The following COL4A1 variants were observed in gnomAD, a reference collection of about 807,000 sequenced individuals.
COL4A1 encodes collagen alpha-1(IV) chain.
COL4A1 carries 40 observed loss-of-function variants against 216.6 expected under a neutral mutation model. That is an observed-to-expected ratio of 0.18 (90% CI 0.14 to 0.24). The LOEUF (loss-of-function observed/expected upper bound fraction) is 0.24, where lower values mean the gene tolerates loss of function less well. Ranked by LOEUF, COL4A1 falls within the 10% of genes least tolerant of loss-of-function variation. The pLI is 1.00. For missense variants in COL4A1, 1,628 were observed against 2,196.8 expected (o/e 0.74, Z 5.18); for synonymous variants, 839 against 810.7 (o/e 1.03, Z -0.59).
intron 1 of COL4A1, among the ~76,000 whole-genome samples, chr13:110,243,712 G>A (rs775103262): frequency 1.3e-5 from 2 of 152,220 alleles, no homozygotes; most frequent in Admixed American, 6.5e-5. Context: ...AAGCTACCAC[G>A]TGTTCAAACG....
rs1881707738 is a variant in COL4A1 at position 110,244,625 on chromosome 13, G to A, written c.85-1891C>T. On this transcript the variant is annotated intron_variant, in intron 1 of 51. Coordinates refer to ENST00000375820, the MANE Select transcript of COL4A1 (RefSeq NM_001845.6). ...TACCATGTGTCTAATCCCCAGGTGA[G>A]GGTCACCTGCTCCCTACCTGGCTCC... Among the ~76,000 whole-genome samples, 3 of 152,160 alleles carry A rather than the reference G, an allele frequency of 2.0e-5. No homozygotes were observed. In the South Asian group the frequency reaches 6.2e-4, roughly 32 times the overall value.
chr13:110,200,137 C>T (rs907726412), intron 20 of COL4A1, among the ~76,000 whole-genome samples: 1 of 152,250 alleles, frequency 6.6e-6, no homozygotes, highest in Non-Finnish European at 1.5e-5. Context: ...GCGAACACTC[C>T]GTTGTGTGCC....
intron 22 of COL4A1, 71 bp from the exon 23 acceptor site, chr13:110,192,984 C>A (rs1878713553): frequency 7.2e-7 from 1 of 1,383,836 alleles, no homozygotes; most frequent in Admixed American, 1.7e-5. Context: ...ACTGAGAGAA[C>A]AGAAAAAGGC....
At chr13:110,153,601 G>GTTACAAA (rs1876616368) in intron 50 of COL4A1, among the ~76,000 whole-genome samples, 1 of 152,136 alleles carries the variant, frequency 6.6e-6, no homozygotes. Context: ...TTACATCATT[G>GTTACAAA]TTAGTGTCCT....
At chr13:110,259,240 A>C (rs1367868427) in intron 1 of COL4A1, among the ~76,000 whole-genome samples, 1 of 152,124 alleles carries the variant, frequency 6.6e-6, no homozygotes, top group Admixed American at 6.5e-5. Flanking sequence ...TCTAGCCTTA[A>C]TTGTTTTATT....
chr13:110,259,022 A>G (rs1457386279), intron 1 of COL4A1, among the ~76,000 whole-genome samples: 1 of 152,252 alleles, frequency 6.6e-6, no homozygotes, highest in African/African-American at 2.4e-5. Context: ...GCGGATGCAA[A>G]GACTTCAGAT....
intron 2 of COL4A1, among the ~76,000 whole-genome samples, chr13:110,239,711 AG>A (rs1881471953): frequency 6.6e-6 from 1 of 152,206 alleles, no homozygotes; most frequent in Non-Finnish European, 1.5e-5. Context: ...AATATGCAGA[AG>A]GTGGCAGGAA....
At chr13:110,191,729 C>T (rs555727806) in intron 24 of COL4A1, 1 of 647,118 alleles carries the variant, frequency 1.5e-6, no homozygotes, top group South Asian at 1.8e-5. Flanking sequence ...CAGAGGCAAA[C>T]AGATCTGCTT....
At chr13:110,210,401 G>A (rs1378273775) in intron 8 of COL4A1, among the ~76,000 whole-genome samples, 189 bp from the exon 9 acceptor site, 1 of 152,074 alleles carries the variant, frequency 6.6e-6, no homozygotes, top group African/African-American at 2.4e-5. Flanking sequence ...TTAATGGCCA[G>A]CGTTAACCAC....
intron 1 of COL4A1, among the ~76,000 whole-genome samples, chr13:110,252,429 A>G (rs1351804500): frequency 1.4e-5 from 2 of 142,020 alleles, no homozygotes; most frequent in Admixed American, 7.4e-5. Flanking sequence ...TATGTATTAT[A>G]TATGTATAAT....
At chr13:110,192,683 G>C (rs1328804534) in intron 23 of COL4A1, 147 bp downstream of exon 23, 1 of 661,120 alleles carries the variant, frequency 1.5e-6, no homozygotes, top group African/African-American at 1.8e-5. Context: ...GACAAATCCT[G>C]GAAGTGGGGC....
In COL4A1 at chr13:110,275,908, G is replaced by T. The variant is rs1193068; in HGVS notation, c.84+31036C>A. ...ATAGTTTGCCAGGGGTCAGAGGTAA[G>T]GGGGTAGGGATGAATAGGCAGAGGA... On this transcript the variant is annotated intron_variant, in intron 1 of 51. Transcript: ENST00000375820. Among the ~76,000 whole-genome samples, 141 of 152,054 alleles carry T rather than the reference G, an allele frequency of 9.3e-4. No homozygotes were observed. In the Middle Eastern group the frequency reaches 0.017, roughly 18 times the overall value.
chr13:110,200,754 T>C, intron 20 of COL4A1, 100 bp downstream of exon 20: 1 of 1,246,318 alleles, frequency 8.0e-7, no homozygotes, highest in Non-Finnish European at 1.2e-6. Flanking sequence ...CTACCGATTG[T>C]GTGCAAATAT....
intron 40 of COL4A1, among the ~76,000 whole-genome samples, chr13:110,173,612 T>C (rs1048020070): frequency 5.9e-5 from 9 of 152,200 alleles, no homozygotes; most frequent in African/African-American, 2.2e-4. Context: ...AAATGGAAAG[T>C]GTTCTAACAG....
chr13:110,305,158 AATG>A (rs1490310465), intron 1 of COL4A1, among the ~76,000 whole-genome samples: 1 of 152,246 alleles, frequency 6.6e-6, no homozygotes, highest in Non-Finnish European at 1.5e-5. Context: ...AATACAGAGT[AATG>A]ATAATATCTG....
intron 1 of COL4A1, among the ~76,000 whole-genome samples, chr13:110,243,499 A>C (rs1026289560): frequency 1.3e-5 from 2 of 152,222 alleles, no homozygotes; most frequent in East Asian, 3.9e-4. Context: ...TTGTGTTTTT[A>C]GTAGAGATGG....
At chr13:110,199,030 C>G (rs1429588018) in intron 20 of COL4A1, among the ~76,000 whole-genome samples, 1 of 152,168 alleles carries the variant, frequency 6.6e-6, no homozygotes, top group Non-Finnish European at 1.5e-5. Context: ...GGTTGGCAAT[C>G]TAGAAGAAAG....
intron 21 of COL4A1, 87 bp downstream of exon 21, chr13:110,198,380 G>A: frequency 6.9e-7 from 1 of 1,444,872 alleles, no homozygotes. Flanking sequence ...CTGGCTGTGG[G>A]GGACTATCAC....
chr13:110,179,039 G>A lies in COL4A1; in HGVS notation c.2345-3C>T, dbSNP rs1878019494. ...CAATCCAGGAGGTCCCGGTTCACCT[G>A]GAGAAGAAAAATTGAGAGTAAGCTG... On this transcript the variant is annotated splice_polypyrimidine_tract_variant and splice_region_variant and intron_variant, in intron 30 of 51. Transcript: ENST00000375820. The A allele has an allele frequency of 6.2e-7, 1 of 1,607,724 alleles. No homozygotes were observed. Among genetic ancestry groups the A allele is most frequent in the East Asian group, 2.2e-5 (1 of 44,752 alleles).
Sources: allele counts gnomAD v4.1 joint callset (sites outside exome capture counted in the v4.1 genomes callset), GRCh38; gene constraint gnomAD v4.1.1; transcripts MANE v1.5; gene names NCBI Gene and HGNC (gene_info 2026-07-23, HGNC 2026-07-21).